Variants in REEP2 observed in about 807,000 individuals in gnomAD.
The protein encoded by REEP2 is receptor accessory protein 2.
Under a neutral mutation model 32.1 loss-of-function variants are expected in REEP2, and 9 were observed. That is an observed-to-expected ratio of 0.28 (90% CI 0.17 to 0.49). The LOEUF is 0.49. Ranked by LOEUF, REEP2 falls within the 20% of genes least tolerant of loss-of-function variation. The pLI, the probability that REEP2 is intolerant of heterozygous loss-of-function variation, is 0.99. For synonymous variants in REEP2, 128 were observed against 139.1 expected, an observed-to-expected ratio of 0.92 and a Z score of 0.56; for missense variants, 236 against 338.0, an observed-to-expected ratio of 0.70 and a Z score of 2.37.
At chr5:138,443,865 G>C (rs1763873344) in intron 3 of REEP2, 2 of 152,484 alleles carry the variant, frequency 1.3e-5, no homozygotes, top group Admixed American at 6.5e-5. Context: ...GCAAAAGAGA[G>C]AGCTTTGATG....
chr5:138,444,377 C>A, intron 3 of REEP2, 38 bp from the exon 4 acceptor site: 3 of 1,605,954 alleles, frequency 1.9e-6, no homozygotes, highest in Non-Finnish European at 2.6e-6. Context: ...CCTCCCAACT[C>A]CCTGCCCTGT....
Position 138,446,480 on chromosome 5 carries a change from C to G in REEP2, c.*729C>G, listed in dbSNP as rs1763936766. The G allele has an allele frequency of 6.6e-6, 1 of 152,634 alleles. No individual in the cohort carries two copies. The highest frequency in any genetic ancestry group is 1.5e-5 in the Non-Finnish European group (1 of 68,428). 9.5% of individuals were successfully genotyped at this position (152,634 alleles called of 1,614,324 possible). A position where few individuals can be genotyped will look rare whatever the true frequency, so the allele number is the denominator to read the frequency against. On this transcript the variant is annotated 3_prime_UTR_variant, in exon 8 of 8. Transcript: ENST00000378339. Reference sequence around the variant, plus strand: ...AGTCGCCTCCTCCCACCCTGAGCCCCACAGTCATCTGGCCCTTTCCCTGCT... The same window carrying G: ...AGTCGCCTCCTCCCACCCTGAGCCCGACAGTCATCTGGCCCTTTCCCTGCT...
intron 3 of REEP2, among the ~76,000 whole-genome samples, chr5:138,443,426 C>G (rs959381003): frequency 7.0e-6 from 1 of 143,282 alleles, no homozygotes; most frequent in African/African-American, 2.6e-5. Flanking sequence ...TGCCATTGCA[C>G]TCCGGCCTGG....
chr5:138,443,987 GGAGGGTCCA>G (rs1763875126), intron 3 of REEP2: 1 of 156,538 alleles, frequency 6.4e-6, no homozygotes. Context: ...CGGTGGGGCA[GGAGGGTCCA>G]GAGCAAGCTA....
intron 1 of REEP2, 51 bp downstream of exon 1, chr5:138,439,291 G>A: frequency 7.0e-7 from 1 of 1,423,554 alleles, no homozygotes; most frequent in Non-Finnish European, 9.2e-7. Context: ...GAGGGCGGGG[G>A]TGTTAAAGCC....
At chr5:138,444,727 C>T (rs1198790721) in intron 4 of REEP2, 27 bp from the exon 5 acceptor site, 1 of 1,604,624 alleles carries the variant, frequency 6.2e-7, no homozygotes, top group Non-Finnish European at 8.5e-7. Context: ...GACCTCTCCT[C>T]TTCTCCCTTC....
At chr5:138,440,828 G>A (rs1763810304) in intron 1 of REEP2, 188 bp from the exon 2 acceptor site, 4 of 1,122,786 alleles carry the variant, frequency 3.6e-6, no homozygotes, top group Non-Finnish European at 4.9e-6. Context: ...GGAGCGGGGA[G>A]GGGGCATCAC....
chr5:138,443,460 CAAAAAAAAAAA>C (rs35414889), intron 3 of REEP2: 2 of 92,522 alleles, frequency 2.2e-5, no homozygotes, highest in African/African-American at 8.6e-5. Flanking sequence ...GACTCTGTCT[CAAAAAAAAAAA>C]AAAAAAAAAG....
rs1350384528 is a variant in REEP2 at position 138,445,862 on chromosome 5, C to T, written c.*111C>T. 2.3e-5 allele frequency: 25 copies of T among 1,082,248 alleles called. No homozygotes were observed. The East Asian group carries it at 5.4e-4, about 23-fold the overall frequency. 67.0% of individuals were successfully genotyped at this position (1,082,248 alleles called of 1,614,324 possible). The stretch of plus-strand genomic sequence containing the variant: ...AGCCTAGGTGTCTCAGGCCCCTGGG[C>T]CCCGCAGATGGCCATTTCCGGTGCC... On this transcript the variant is annotated 3_prime_UTR_variant, in exon 8 of 8. Coordinates refer to ENST00000378339, the MANE Select transcript of REEP2 (RefSeq NM_001271803.2).
Position 138,441,423 on chromosome 5 carries a change from C to T in REEP2, c.144C>T (p.Phe48=). 1 of 1,614,218 alleles carries T rather than the reference C, an allele frequency of 6.2e-7. No individual in the cohort carries two copies. The highest frequency in any genetic ancestry group is 8.5e-7 in the Non-Finnish European group (1 of 1,180,036). Residue 48 remains phenylalanine (F), a synonymous_variant, in exon 3 of 8, where the codon TTC becomes TTT. Transcript: ENST00000378339. This position sits in a 1 kb window ranked among gnomAD's most constrained non-coding sequence, Gnocchi z 4.4. The part of the protein sequence containing the change: ...WMMYWIVFAF[F]TTAETLTDIV... ...TGTACTGGATCGTCTTTGCCTTCTT[C>T]ACCACGGCCGAGACGCTCACGGATA...
At chr5:138,442,277 C>G (rs1033240849) in intron 3 of REEP2, among the ~76,000 whole-genome samples, 1 of 152,148 alleles carries the variant, frequency 6.6e-6, no homozygotes, top group Non-Finnish European at 1.5e-5. Flanking sequence ...GAAGAGGGGA[C>G]TAATAACACA....
In REEP2 at chr5:138,446,192, G is replaced by A. The variant is rs147656297; in HGVS notation, c.*441G>A. 14 of 162,816 alleles carry A rather than the reference G, an allele frequency of 8.6e-5. No individual in the cohort carries two copies. The highest frequency in any genetic ancestry group is 2.4e-4 in the Admixed American group (4 of 16,924). The allele number at this position is 162,816 out of a possible 1,614,324, so 10.1% of individuals were successfully genotyped here. A position where few individuals can be genotyped will look rare whatever the true frequency, so the allele number is the denominator to read the frequency against. ...CAAGGACGGGCCTGAAGGCACATGGGGGAAAGGGAGCACACGGGGAGGACG... is the reference window on the plus strand; with the variant it reads ...CAAGGACGGGCCTGAAGGCACATGGAGGAAAGGGAGCACACGGGGAGGACG... On this transcript the variant is annotated 3_prime_UTR_variant, in exon 8 of 8. Coordinates refer to ENST00000378339, the MANE Select transcript of REEP2 (RefSeq NM_001271803.2).
rs1763924169 is a variant in REEP2 at position 138,445,974 on chromosome 5, G to A, written c.*223G>A. The A allele has an allele frequency of 5.2e-6, 3 of 578,818 alleles. No individual in the cohort carries two copies. Among genetic ancestry groups the A allele is most frequent in the Non-Finnish European group, 6.1e-6 (2 of 328,048 alleles). The allele number at this position is 578,818 out of a possible 1,614,324, so 35.9% of individuals were successfully genotyped here. On this transcript the variant is annotated 3_prime_UTR_variant, in exon 8 of 8. Coordinates refer to ENST00000378339, the MANE Select transcript of REEP2 (RefSeq NM_001271803.2). The stretch of plus-strand genomic sequence containing the variant: ...GTTGAGGGTAGAGGGTGGACCAGAG[G>A]CTGAGGACTGAGCCACCCAAGGAGG...
At position 138,441,121 on chromosome 5, in the gene REEP2, C is replaced by G; in HGVS notation, c.105+33C>G. The G allele has an allele frequency of 6.2e-7, 1 of 1,612,970 alleles. No homozygotes were observed. Among genetic ancestry groups the G allele is most frequent in the Admixed American group, 1.7e-5 (1 of 59,960 alleles). ...GATGACCCTTCACCCCCTACCCAAC[C>G]CACATGGCACAGAGAGGGGAGGGCA... On this transcript the variant is annotated intron_variant, in intron 2 of 7. Transcript: ENST00000378339. This position sits in a 1 kb window ranked among gnomAD's most constrained non-coding sequence, Gnocchi z 4.4.
intron 1 of REEP2, 86 bp downstream of exon 1, chr5:138,439,326 T>C: frequency 3.0e-6 from 4 of 1,314,822 alleles, no homozygotes; most frequent in Non-Finnish European, 4.1e-6. Context: ...CGAAGCTTCG[T>C]GCAGCAGAGT....
At position 138,439,085 on chromosome 5, in the gene REEP2, C is replaced by T. The variant is rs1763770412; in HGVS notation, c.-124C>T. ...GCTGGGCGCTCCGCTGCCCCCGCGG[C>T]GGCTGCTGCAGCGGCTGCTGCTGCT... is the stretch of plus-strand genomic sequence containing the variant. On this transcript the variant is annotated 5_prime_UTR_variant, in exon 1 of 8. Coordinates refer to ENST00000378339, the MANE Select transcript of REEP2 (RefSeq NM_001271803.2). The T allele has an allele frequency of 5.8e-6, 2 of 346,844 alleles. No individual in the cohort carries two copies. The highest frequency in any genetic ancestry group is 4.5e-6 in the Non-Finnish European group (1 of 223,554). 21.5% of individuals were successfully genotyped at this position (346,844 alleles called of 1,614,324 possible). A position where few individuals can be genotyped will look rare whatever the true frequency, so the allele number is the denominator to read the frequency against.
intron 3 of REEP2, among the ~76,000 whole-genome samples, chr5:138,442,730 G>C (rs759232946): frequency 6.7e-6 from 1 of 149,956 alleles, no homozygotes; most frequent in Non-Finnish European, 1.5e-5. Flanking sequence ...GCGTGGTGGC[G>C]GGTGTCTGTA....
In REEP2 at chr5:138,440,814, C is replaced by G. The variant is rs958202147; in HGVS notation, c.33-202C>G. 2.6e-5 allele frequency: 26 copies of G among 1,003,198 alleles called. No homozygotes were observed. The African/African-American group carries it at 4.2e-4, about 16-fold the overall frequency. The allele number at this position is 1,003,198 out of a possible 1,614,324, so 62.1% of individuals were successfully genotyped here. On this transcript the variant is annotated intron_variant, in intron 1 of 7. Coordinates refer to ENST00000378339, the MANE Select transcript of REEP2 (RefSeq NM_001271803.2). The stretch of plus-strand genomic sequence containing the variant: ...CCTCCGGGGCTAGAGAAAAACTGAA[C>G]AGTGGAGCGGGGAGGGGGCATCACC...
At chr5:138,439,764 G>A (rs1026203497) in intron 1 of REEP2, 2 of 455,998 alleles carry the variant, frequency 4.4e-6, no homozygotes, top group Non-Finnish European at 8.8e-6. Flanking sequence ...ATGCCCTTAG[G>A]CCCCCTAGGG....
Sources: allele counts gnomAD v4.1 joint callset (sites outside exome capture counted in the v4.1 genomes callset), GRCh38; gene constraint gnomAD v4.1.1; non-coding constraint Gnocchi (gnomAD v3.1); transcripts MANE v1.5; gene names NCBI Gene and HGNC (gene_info 2026-07-23, HGNC 2026-07-21).